The following UBE2U variants were observed in gnomAD, a reference collection of about 807,000 sequenced individuals.
UBE2U encodes ubiquitin conjugating enzyme E2 U, also known as ubiquitin-conjugating enzyme E2 U.
In UBE2U, 39 loss-of-function variants were observed where a neutral mutation model predicts 41.2. The ratio of observed to expected loss-of-function variants is 0.95; its 90% confidence interval spans 0.73 to 1.24. The LOEUF (loss-of-function observed/expected upper bound fraction) is 1.24, where lower values mean the gene tolerates loss of function less well. Ranked by LOEUF, UBE2U falls within the 50% of genes most tolerant of loss-of-function variation. UBE2U has a pLI of 0.00. For missense variants in UBE2U, 336 were observed against 363.1 expected (o/e 0.93, Z 0.61); for synonymous variants, 107 against 117.8 (o/e 0.91, Z 0.60).
Position 64,239,113 on chromosome 1 carries a change from A to AG in UBE2U, c.596-2538dup, listed in dbSNP as rs1557729907. Among the ~76,000 whole-genome samples the AG allele has an allele frequency of 4.6e-3, 64 of 13,908 alleles. 1 individual carries two copies. The East Asian group carries it at 0.064, about 14-fold the overall frequency. The allele number at this position is 13,908 out of a possible 152,430, so 9.1% of individuals were successfully genotyped here. ...AAGAGGAAGAAGAAGAAGAAGAAGA[A>AG]GAAGAAGAAGAAGAAGAAGAAGAAG... On this transcript the variant is annotated intron_variant, in intron 7 of 9. Coordinates refer to ENST00000371077, the MANE Select transcript of UBE2U (RefSeq NM_001366232.2).
chr1:64,210,594 G>T, intron 3 of UBE2U, 148 bp from the exon 4 acceptor site: 2 of 468,784 alleles, frequency 4.3e-6, no homozygotes, highest in Non-Finnish European at 7.2e-6. Context: ...AACCAGGGAT[G>T]GGTATAGTGC....
intron 6 of UBE2U, among the ~76,000 whole-genome samples, chr1:64,222,431 C>T (rs1248832564): frequency 6.6e-6 from 1 of 152,220 alleles, no homozygotes; most frequent in Non-Finnish European, 1.5e-5. Flanking sequence ...AGAAGACCTT[C>T]TGTGGTCTCA....
At chr1:64,265,511 A>G (rs553539944) in intron 9 of UBE2U, among the ~76,000 whole-genome samples, 16 of 152,360 alleles carry the variant, frequency 1.1e-4, no homozygotes, top group Admixed American at 1.0e-3. Flanking sequence ...ATTAAAAATC[A>G]CTGTGGGCCT....
intron 4 of UBE2U, among the ~76,000 whole-genome samples, chr1:64,213,251 G>A (rs1651768054): frequency 6.6e-6 from 1 of 151,880 alleles, no homozygotes; most frequent in South Asian, 2.1e-4. Flanking sequence ...GGTCAATTCA[G>A]ATAAAAAAAA....
chr1:64,215,172 G>A (rs541153305), intron 5 of UBE2U, among the ~76,000 whole-genome samples: 8 of 152,160 alleles, frequency 5.3e-5, no homozygotes, highest in Admixed American at 2.0e-4. Context: ...CAGAAGTTGC[G>A]GTGAGCCGAG....
intron 8 of UBE2U, among the ~76,000 whole-genome samples, chr1:64,254,777 G>T (rs1423915843): frequency 6.6e-6 from 1 of 152,144 alleles, no homozygotes; most frequent in Admixed American, 6.6e-5. Context: ...CTAAAGTGGT[G>T]TTGAGAGGGA....
chr1:64,253,237 C>T (rs199788291), intron 8 of UBE2U, among the ~76,000 whole-genome samples: 1 of 152,030 alleles, frequency 6.6e-6, no homozygotes. Context: ...AAGGAATGAA[C>T]AAAAACTCTG....
In UBE2U at chr1:64,253,274, C is replaced by G. The variant is rs376686104; in HGVS notation, c.678-7329C>G. On this transcript the variant is annotated intron_variant, in intron 8 of 9. Coordinates refer to ENST00000371077, the MANE Select transcript of UBE2U (RefSeq NM_001366232.2). Reference sequence around the variant, plus strand: ...GATATATGGGATTATGTAGGGACACCAAACCTACAACTGATTGGGGTAACT... The same window carrying G: ...GATATATGGGATTATGTAGGGACACGAAACCTACAACTGATTGGGGTAACT... Among the ~76,000 whole-genome samples the G allele has an allele frequency of 2.1e-4, 32 of 152,096 alleles. 6 individuals carry two copies. In the South Asian group the frequency reaches 3.1e-3, roughly 15 times the overall value.
intron 8 of UBE2U, among the ~76,000 whole-genome samples, chr1:64,258,585 C>T (rs183087918): frequency 2.8e-3 from 423 of 150,262 alleles, no homozygotes; most frequent in African/African-American, 9.9e-3. Flanking sequence ...GGTTTTCTGT[C>T]CTTGTGACAG....
At chr1:64,242,300 G>A (rs1272501913) in intron 8 of UBE2U, among the ~76,000 whole-genome samples, 1 of 152,078 alleles carries the variant, frequency 6.6e-6, no homozygotes, top group African/African-American at 2.4e-5. Flanking sequence ...GACCCCTGAA[G>A]GCAGTTTTTC....
chr1:64,221,378 G>T (rs977589627), intron 6 of UBE2U, among the ~76,000 whole-genome samples: 6 of 152,182 alleles, frequency 3.9e-5, no homozygotes, highest in Non-Finnish European at 5.9e-5. Context: ...CTCCCAAAGT[G>T]CTGGGATTAC....
At chr1:64,225,422 C>T (rs886834986) in intron 6 of UBE2U, among the ~76,000 whole-genome samples, 1 of 152,124 alleles carries the variant, frequency 6.6e-6, no homozygotes, top group African/African-American at 2.4e-5. Flanking sequence ...ACTTTATAAA[C>T]CGTGTAAGGA....
chr1:64,245,873 T>C (rs825194), intron 8 of UBE2U, among the ~76,000 whole-genome samples: 1,824 of 152,312 alleles, frequency 0.012, 27 homozygotes, highest in African/African-American at 0.042. Flanking sequence ...ATATTATCTC[T>C]AGTTTACCAG....
chr1:64,236,451 A>G (rs1296024789), intron 7 of UBE2U, among the ~76,000 whole-genome samples: 1 of 152,206 alleles, frequency 6.6e-6, no homozygotes, highest in Admixed American at 6.5e-5. Flanking sequence ...AGCATAGGCA[A>G]TCGTATGGAA....
intron 7 of UBE2U, among the ~76,000 whole-genome samples, chr1:64,239,162 A>AG (rs1644773921): frequency 2.0e-5 from 1 of 49,026 alleles, no homozygotes; most frequent in African/African-American, 7.4e-5. Flanking sequence ...AGAAGAAAGA[A>AG]GAAGAAGAAG....
At position 64,260,625 on chromosome 1, in the gene UBE2U, C is replaced by G; in HGVS notation, c.700C>G (p.Leu234Val). 6.5e-7 allele frequency: 1 copy of G among 1,549,042 alleles called. No individual in the cohort carries two copies. Among genetic ancestry groups the G allele is most frequent in the Non-Finnish European group, 8.7e-7 (1 of 1,146,528 alleles). ...TAGGTATTCCGTTATCAAGTGTTGG[C>G]TTGCTAGAAAAAGAATGCCTCATGA... ...NLKYSVIKCW[L>V]ARKRMPHEVT... is the part of the protein sequence containing the mutation. Residue 234 changes from leucine to valine, a missense_variant, in exon 9 of 10, where the codon CTT becomes GTT. Transcript: ENST00000371077.
chr1:64,240,977 G>T (rs1644825688), intron 7 of UBE2U, among the ~76,000 whole-genome samples: 1 of 152,112 alleles, frequency 6.6e-6, no homozygotes, highest in South Asian at 2.1e-4. Flanking sequence ...TAATTGGCTT[G>T]CATTAGTGAT....
At position 64,210,733 on chromosome 1, in the gene UBE2U, T is replaced by C; in HGVS notation, c.242-9T>C. 3 of 1,483,740 alleles carry C rather than the reference T, an allele frequency of 2.0e-6. No individual in the cohort carries two copies. The highest frequency in any genetic ancestry group is 2.7e-6 in the Non-Finnish European group (3 of 1,102,280). The allele number at this position is 1,483,740 out of a possible 1,614,324, so 91.9% of individuals were successfully genotyped here. ...TAAATGCAAATATTAATGTATTATT[T>C]TAATACAGTAGACCCACACACTGGT... On this transcript the variant is annotated splice_polypyrimidine_tract_variant and intron_variant, in intron 3 of 9. Coordinates refer to ENST00000371077, the MANE Select transcript of UBE2U (RefSeq NM_001366232.2).
intron 8 of UBE2U, among the ~76,000 whole-genome samples, chr1:64,248,335 C>T (rs944224680): frequency 4.6e-5 from 7 of 152,038 alleles, no homozygotes; most frequent in Non-Finnish European, 8.8e-5. Flanking sequence ...CTATATTCCC[C>T]AGAGTCATAT....
Sources: allele counts gnomAD v4.1 joint callset (sites outside exome capture counted in the v4.1 genomes callset), GRCh38; gene constraint gnomAD v4.1.1; transcripts MANE v1.5; gene names NCBI Gene and HGNC (gene_info 2026-07-23, HGNC 2026-07-21).